SHANK2: variants seen among roughly 807,000 people sequenced by gnomAD.
The protein encoded by SHANK2 is SH3 and multiple ankyrin repeat domains protein 2.
SHANK2 carries 43 observed loss-of-function variants against 133.7 expected under a neutral mutation model. The observed-to-expected ratio is 0.32, with a 90% confidence interval of 0.25 to 0.41. The LOEUF is 0.41. Among genes scored for constraint, SHANK2 ranks in the 10% least tolerant of loss-of-function variants. The probability of loss-of-function intolerance (pLI) is 1.00; values close to 1 mark genes in which losing one functional copy is unlikely to be tolerated. For missense variants in SHANK2, 1,994 were observed against 2,235.8 expected (o/e 0.89, Z 2.18); for synonymous variants, 1,017 against 952.8 (o/e 1.07, Z -1.24).
chr11:70,607,274 T>C (rs1315251791), intron 17 of SHANK2, among the ~76,000 whole-genome samples: 1 of 152,174 alleles, frequency 6.6e-6, no homozygotes, highest in Non-Finnish European at 1.5e-5. Flanking sequence ...ATGAACTGGT[T>C]TCCAGGCTGA....
At chr11:70,824,039 G>A (rs1948598974) in intron 11 of SHANK2, among the ~76,000 whole-genome samples, 2 of 139,930 alleles carry the variant, frequency 1.4e-5, no homozygotes, top group Non-Finnish European at 3.1e-5. Flanking sequence ...TTTCATTGAA[G>A]ACAAAGATGG....
intron 8 of SHANK2, among the ~76,000 whole-genome samples, chr11:71,083,982 G>T (rs936755197): frequency 1.4e-5 from 2 of 147,250 alleles, no homozygotes; most frequent in Non-Finnish European, 3.0e-5. Context: ...TTTTTTTTGG[G>T]GGGGGGAGAC....
At chr11:71,089,390 C>G (rs1342846485) in intron 8 of SHANK2, among the ~76,000 whole-genome samples, 1 of 152,170 alleles carries the variant, frequency 6.6e-6, no homozygotes, top group Admixed American at 6.5e-5. Flanking sequence ...CACTGTCAGG[C>G]CTGCTCAGAA....
chr11:70,489,879 C>T (rs2058860332), intron 23 of SHANK2: 2 of 314,048 alleles, frequency 6.4e-6, no homozygotes, highest in Non-Finnish European at 1.2e-5. Flanking sequence ...GCTCATACTC[C>T]AGGCCTGGTG....
At chr11:70,947,981 C>T (rs1028781826) in intron 10 of SHANK2, among the ~76,000 whole-genome samples, 2 of 152,144 alleles carry the variant, frequency 1.3e-5, no homozygotes, top group Non-Finnish European at 2.9e-5. Context: ...ACCATCCCAC[C>T]CCCACCTCTG....
At chr11:70,475,180 C>T (rs2058647082) in intron 25 of SHANK2, 1 of 152,140 alleles carries the variant, frequency 6.6e-6, no homozygotes, top group African/African-American at 2.4e-5. Flanking sequence ...AAAGAGGAGC[C>T]CACAGACCCT....
At position 70,955,422 on chromosome 11, in the gene SHANK2, G is replaced by GGTGTGTGTGT. The variant is rs1186144718; in HGVS notation, c.1108-58865_1108-58856dup. On this transcript the variant is annotated intron_variant, in intron 10 of 25. Coordinates refer to ENST00000601538, the MANE Select transcript of SHANK2 (RefSeq NM_012309.5). Reference sequence around the variant, plus strand: ...GTTCTCCAGAGACACAGACCCACGGGGTGTGTGTGTGTGTGTGTGTGTGTG... The same window carrying GGTGTGTGTGT: ...GTTCTCCAGAGACACAGACCCACGGGGTGTGTGTGTGTGTGTGTGTGTGTGTGTGTGTGTG... Among the ~76,000 whole-genome samples, 1,359 of 146,548 alleles carry GGTGTGTGTGT rather than the reference G, an allele frequency of 9.3e-3. 18 individuals are homozygous for GGTGTGTGTGT. The highest frequency in any genetic ancestry group is 0.021 in the African/African-American group (833 of 38,978).
intron 14 of SHANK2, among the ~76,000 whole-genome samples, chr11:70,773,289 T>A (rs897342711): frequency 1.3e-5 from 2 of 152,164 alleles, no homozygotes; most frequent in Admixed American, 1.3e-4. Flanking sequence ...TTTGAGATGA[T>A]GAGGCCGTTC....
chr11:71,162,908 TA>T (rs1173096672), intron 2 of SHANK2, among the ~76,000 whole-genome samples: 1 of 151,212 alleles, frequency 6.6e-6, no homozygotes, highest in Non-Finnish European at 1.5e-5. Context: ...CCGTCTCTAC[TA>T]AAAATACAAA....
chr11:70,766,465 T>G (rs1440674150), intron 14 of SHANK2, among the ~76,000 whole-genome samples: 6 of 152,234 alleles, frequency 3.9e-5, no homozygotes, highest in African/African-American at 1.4e-4. Flanking sequence ...AGGGGTCTCT[T>G]CTTTCAAGAT....
intron 11 of SHANK2, among the ~76,000 whole-genome samples, chr11:70,868,496 G>C (rs1949407510): frequency 6.6e-6 from 1 of 152,262 alleles, no homozygotes; most frequent in African/African-American, 2.4e-5. Flanking sequence ...GTGATACAGA[G>C]GAGGCAACTG....
At chr11:70,865,531 A>C (rs1227606812) in intron 11 of SHANK2, among the ~76,000 whole-genome samples, 2 of 152,316 alleles carry the variant, frequency 1.3e-5, no homozygotes, top group Non-Finnish European at 2.9e-5. Flanking sequence ...GCTGAGATGC[A>C]GCTGCGCGTG....
chr11:70,840,508 G>T (rs191971167), intron 11 of SHANK2, among the ~76,000 whole-genome samples: 130 of 152,358 alleles, frequency 8.5e-4, no homozygotes, highest in Non-Finnish European at 1.6e-3. Context: ...CCTCAGAGGA[G>T]CAGAGTGTCC....
rs1373437389 is a variant in SHANK2, at chr11:70,657,656, A to C, written c.2061+2172T>G. On this transcript the variant is annotated intron_variant, in intron 17 of 25. Coordinates refer to ENST00000601538, the MANE Select transcript of SHANK2 (RefSeq NM_012309.5). ...CAGTGCTCCTTGGGTTATCTGTGAT[A>C]ATCATAATGCAGGCGCAGCCCTAAT... is the stretch of plus-strand genomic sequence containing the variant. 7.9e-5 allele frequency among the ~76,000 whole-genome samples: 12 copies of C among 152,328 alleles called. No individual in the cohort carries two copies. The East Asian group carries it at 1.4e-3, about 17-fold the overall frequency.
At position 70,539,407 on chromosome 11, in the gene SHANK2, G is replaced by A. The variant is rs535757632; in HGVS notation, c.2062-36476C>T. On this transcript the variant is annotated intron_variant, in intron 17 of 25. Coordinates refer to ENST00000601538, the MANE Select transcript of SHANK2 (RefSeq NM_012309.5). ...CCATCCCAAATGGGGGCCAGACTCC[G>A]AGTCGGGGTGCCCAACAGATCTGCG... Among the ~76,000 whole-genome samples the A allele has an allele frequency of 5.3e-4, 80 of 152,200 alleles. 1 individual carries two copies. Among genetic ancestry groups the A allele is most frequent in the African/African-American group, 1.8e-3 (76 of 41,532 alleles).
intron 2 of SHANK2, among the ~76,000 whole-genome samples, chr11:71,224,367 G>A (rs974920937): frequency 2.6e-5 from 4 of 152,066 alleles, no homozygotes; most frequent in East Asian, 1.9e-4. Flanking sequence ...TGAAAATGAC[G>A]GAGAGGAGCT....
intron 9 of SHANK2, among the ~76,000 whole-genome samples, chr11:71,068,665 T>C (rs1463779900): frequency 6.6e-6 from 1 of 152,224 alleles, no homozygotes; most frequent in Non-Finnish European, 1.5e-5. Context: ...GCTCTGAAGA[T>C]TCTTCAGCAT....
rs532351745 is a variant in SHANK2 at position 70,866,557 on chromosome 11, C to T, written c.1174+29944G>A. ...ACTCAAAATTGCACTTTGCTGCAGA[C>T]GTCAGTAACTCTAGCACCAAGGGTT... On this transcript the variant is annotated intron_variant, in intron 11 of 25. Coordinates refer to ENST00000601538, the MANE Select transcript of SHANK2 (RefSeq NM_012309.5). 1.5e-4 allele frequency among the ~76,000 whole-genome samples: 23 copies of T among 152,272 alleles called. No individual in the cohort carries two copies. In the South Asian group the frequency reaches 1.7e-3, roughly 11 times the overall value.
chr11:70,492,297 G>C (rs782087241), intron 22 of SHANK2, 38 bp downstream of exon 22: 9 of 1,604,012 alleles, frequency 5.6e-6, no homozygotes, highest in Non-Finnish European at 7.6e-6. Context: ...GGGCACCGTC[G>C]GCCCCCGCCC....
Sources: gnomAD v4.1 joint callset for allele counts (sites outside exome capture counted in the v4.1 genomes callset) on GRCh38, gnomAD v4.1.1 for gene constraint, MANE v1.5 for transcripts, NCBI Gene and HGNC (gene_info 2026-07-23, HGNC 2026-07-21) for gene names.